DNAH17: variants seen among roughly 807,000 people sequenced by gnomAD.
DNAH17 encodes the protein axonemal beta dynein heavy chain 17.
Under a neutral mutation model 485.6 loss-of-function variants are expected in DNAH17, and 376 were observed. The observed-to-expected ratio is 0.77, with a 90% CI of 0.71 to 0.84. The LOEUF is 0.84. DNAH17 is among the 40% of genes least tolerant of loss of function. The pLI is 0.00. For missense variants in DNAH17, 6,370 were observed against 5,839.3 expected, an observed-to-expected ratio of 1.09 and a Z score of -2.96; for synonymous variants, 3,031 against 2,405.9, an observed-to-expected ratio of 1.26 and a Z score of -7.60.
chr17:78,455,503 A>T (rs2087753914), intron 63 of DNAH17, 141 bp downstream of exon 63: 1 of 604,690 alleles, frequency 1.7e-6, no homozygotes, highest in Non-Finnish European at 2.6e-6. Context: ...TTTTTTTTAA[A>T]TTTAATAGAG....
At chr17:78,436,486 T>A (rs1370821489) in intron 74 of DNAH17, among the ~76,000 whole-genome samples, 1 of 151,744 alleles carries the variant, frequency 6.6e-6, no homozygotes, top group East Asian at 1.9e-4. Flanking sequence ...GGAGATCAAG[T>A]TTGTGCACAC....
intron 30 of DNAH17, among the ~76,000 whole-genome samples, chr17:78,506,506 A>C (rs575539643): frequency 6.6e-6 from 1 of 152,330 alleles, no homozygotes; most frequent in African/African-American, 2.4e-5. Flanking sequence ...CTCAAAAGCC[A>C]GGCCAAGTGC....
chr17:78,486,314 G>A lies in DNAH17; in HGVS notation c.7011C>T (p.Thr2337=), dbSNP rs1439669797. The change falls in exon 45 of 81, where the codon ACC becomes ACT. Residue 2337 remains threonine, a synonymous_variant. Coordinates refer to ENST00000389840, the MANE Select transcript of DNAH17 (RefSeq NM_173628.4). The part of the protein sequence containing the change: ...YLLECLLTEK[T]VPPDSPRELY... ...GCTCCCTGGGGGAGTCGGGGGGCACGGTCTTCTCCGTGAGCAGGCACTCCA... is the reference window on the plus strand; with the variant it reads ...GCTCCCTGGGGGAGTCGGGGGGCACAGTCTTCTCCGTGAGCAGGCACTCCA... The A allele has an allele frequency of 6.2e-6, 10 of 1,613,348 alleles. No individual in the cohort carries two copies. Among genetic ancestry groups the A allele is most frequent in the Admixed American group, 5.0e-5 (3 of 59,984 alleles).
rs137892320 is a variant in DNAH17 at position 78,452,724 on chromosome 17, C to A, written c.10529+619G>T. Among the ~76,000 whole-genome samples, 1,103 of 152,182 alleles carry A rather than the reference C, an allele frequency of 7.2e-3. 15 individuals carry two copies. Among genetic ancestry groups the A allele is most frequent in the African/African-American group, 0.024 (1,014 of 41,488 alleles). On this transcript the variant is annotated intron_variant, in intron 65 of 80. Transcript: ENST00000389840. ...CTGGACTCCAGCCTGGACGACAGAG[C>A]GAGACTCCATCTCAAAAAACAAACA...
At chr17:78,432,204 A>AAAT (rs1555650260) in intron 75 of DNAH17, among the ~76,000 whole-genome samples, 22,510 of 149,718 alleles carry the variant, frequency 0.15, 1,816 homozygotes, top group Middle Eastern at 0.18. Flanking sequence ...ATAAATAAAT[A>AAAT]AAATAAATAA....
intron 42 of DNAH17, among the ~76,000 whole-genome samples, chr17:78,491,857 C>T (rs1404058866): frequency 2.6e-5 from 4 of 152,218 alleles, no homozygotes; most frequent in African/African-American, 7.2e-5. Flanking sequence ...TTTCCAGGCT[C>T]AACATCCCAC....
rs768129689 is a variant in DNAH17, at chr17:78,426,384, G to A, written c.12915+73C>T. 1.3e-5 allele frequency: 19 copies of A among 1,473,892 alleles called. 1 individual carries two copies. Among genetic ancestry groups the A allele is most frequent in the Middle Eastern group, 2.0e-4 (1 of 5,024 alleles). The allele number at this position is 1,473,892 out of a possible 1,614,324, so 91.3% of individuals were successfully genotyped here. ...TGGCCATGCTCCTGCAGGCTCTAGG[G>A]TGTGGGGTGTGCCGAGCTCTGGGCA... is the stretch of plus-strand genomic sequence containing the variant. On this transcript the variant is annotated intron_variant, in intron 79 of 80. Transcript: ENST00000389840.
intron 14 of DNAH17, among the ~76,000 whole-genome samples, chr17:78,553,043 G>T (rs2091938130): frequency 6.6e-6 from 1 of 152,082 alleles, no homozygotes; most frequent in African/African-American, 2.4e-5. Flanking sequence ...CCGTTCTTGG[G>T]ATAGTGAATG....
At position 78,540,396 on chromosome 17, in the gene DNAH17, G is replaced by A. The variant is rs542383392; in HGVS notation, c.2533-516C>T. Among the ~76,000 whole-genome samples the A allele has an allele frequency of 5.6e-5, 7 of 125,818 alleles. No homozygotes were observed. In the South Asian group the frequency reaches 1.7e-3, roughly 30 times the overall value. The allele number at this position is 125,818 out of a possible 152,430, so 82.5% of individuals were successfully genotyped here. On this transcript the variant is annotated intron_variant, in intron 17 of 80. Transcript: ENST00000389840. ...GGGGTGGACGGATAGCTGGATGGATGGATGGGGTTGGTAGATGGGTGAGTG... is the reference window on the plus strand; with the variant it reads ...GGGGTGGACGGATAGCTGGATGGATAGATGGGGTTGGTAGATGGGTGAGTG...
In DNAH17 at chr17:78,437,713, G is replaced by A. The variant is rs979688803; in HGVS notation, c.11961C>T (p.Ala3987=). The change falls in exon 74 of 81, where the codon GCC becomes GCT. Residue 3987 remains alanine, a synonymous_variant. Transcript: ENST00000389840. ...TGGGGGGCTCGTTGGTGATCTTGAT[G>A]GCGTTCTCCAGAATGCCCTGGGGGA... ...HIIPQGILEN[A]IKITNEPPTG... is the part of the protein sequence containing the mutation. 3 of 1,612,486 alleles carry A rather than the reference G, an allele frequency of 1.9e-6. No individual in the cohort carries two copies. Among genetic ancestry groups the A allele is most frequent in the Non-Finnish European group, 2.5e-6 (3 of 1,179,732 alleles).
At chr17:78,492,173 C>A (rs1555673362) in intron 42 of DNAH17, among the ~76,000 whole-genome samples, 1 of 152,152 alleles carries the variant, frequency 6.6e-6, no homozygotes, top group Non-Finnish European at 1.5e-5. Flanking sequence ...TCAGCTCTCG[C>A]AGCTCCTTTC....
chr17:78,451,589 G>C lies in DNAH17; in HGVS notation c.10614C>G (p.Tyr3538Ter). Reference sequence around the variant, plus strand: ...TGCACTGAGCCTGCATCTCTGGCTTGTAGTGTGGGTTGAAGTACTTGGTGT... The same window carrying C: ...TGCACTGAGCCTGCATCTCTGGCTTCTAGTGTGGGTTGAAGTACTTGGTGT... ...ILHTKYFNPH[Y>*]KPEMQAQCTL... The change falls in exon 66 of 81, where the codon TAC becomes TAG. Residue 3538 changes from tyrosine (Y) to a stop codon, truncating the protein, a stop_gained. Transcript: ENST00000389840. LOFTEE classifies it high-confidence loss of function. 6.2e-7 allele frequency: 1 copy of C among 1,612,928 alleles called. No homozygotes were observed. Among genetic ancestry groups the C allele is most frequent in the Non-Finnish European group, 8.5e-7 (1 of 1,179,358 alleles).
chr17:78,488,092 C>A (rs1384492964), intron 44 of DNAH17, among the ~76,000 whole-genome samples: 4 of 152,180 alleles, frequency 2.6e-5, no homozygotes, highest in African/African-American at 4.8e-5. Context: ...CTGCCTTCTA[C>A]TTTGAAGATG....
intron 73 of DNAH17, 111 bp from the exon 74 acceptor site, chr17:78,437,979 C>A (rs767265735): frequency 5.2e-6 from 4 of 762,850 alleles, no homozygotes; most frequent in Non-Finnish European, 8.3e-6. Flanking sequence ...TCTGCCAGCA[C>A]CCCACACTTG....
intron 63 of DNAH17, 63 bp from the exon 64 acceptor site, chr17:78,454,768 G>C (rs570913564): frequency 1.4e-6 from 2 of 1,413,382 alleles, no homozygotes; most frequent in African/African-American, 1.4e-5. Context: ...CTAGAAAATA[G>C]CTCTCCAAAT....
chr17:78,467,547 C>A (rs1037416122), intron 55 of DNAH17, among the ~76,000 whole-genome samples: 10 of 152,094 alleles, frequency 6.6e-5, no homozygotes, highest in African/African-American at 2.4e-4. Flanking sequence ...GCTATGCAGC[C>A]CGCAGAGGGG....
At chr17:78,545,329 T>C (rs2091729633) in intron 16 of DNAH17, among the ~76,000 whole-genome samples, 1 of 152,216 alleles carries the variant, frequency 6.6e-6, no homozygotes, top group Admixed American at 6.5e-5. Flanking sequence ...GTATATGTCT[T>C]AGTCAGCTTA....
At chr17:78,525,190 G>A in intron 24 of DNAH17, 29 bp from the exon 25 acceptor site, 2 of 1,606,160 alleles carry the variant, frequency 1.2e-6, no homozygotes, top group Non-Finnish European at 1.7e-6. Flanking sequence ...CCGTCAGTAG[G>A]GCTACCTACC....
At position 78,461,609 on chromosome 17, in the gene DNAH17, C is replaced by T. The variant is rs748643058; in HGVS notation, c.9274G>A (p.Glu3092Lys). ...QLIQVVGIEA[E>K]KVSKEKAIAD... is the part of the protein sequence containing the mutation. ...ATGGCCTTCTCTTTGCTGACCTTCT[C>T]GGCCTCGATGCCGACCACCTGGATC... is the stretch of plus-strand genomic sequence containing the variant. The change falls in exon 58 of 81, where the codon GAG becomes AAG. Residue 3092 changes from glutamate (E) to lysine (K), a missense_variant. Coordinates refer to ENST00000389840, the MANE Select transcript of DNAH17 (RefSeq NM_173628.4). 29 of 1,608,206 alleles carry T rather than the reference C, an allele frequency of 1.8e-5. No individual in the cohort carries two copies. Among genetic ancestry groups the T allele is most frequent in the East Asian group, 6.7e-5 (3 of 44,652 alleles).
Sources: allele counts gnomAD v4.1 joint callset (sites outside exome capture counted in the v4.1 genomes callset), GRCh38; gene constraint gnomAD v4.1.1; transcripts MANE v1.5; gene names NCBI Gene and HGNC (gene_info 2026-07-23, HGNC 2026-07-21).